The following CRACR2A variants were observed in gnomAD, a reference collection of about 807,000 sequenced individuals.
CRACR2A encodes the protein EF-hand calcium-binding domain-containing protein 4B.
Under a neutral mutation model 90.5 loss-of-function variants are expected in CRACR2A, and 79 were observed. The ratio of observed to expected loss-of-function variants is 0.87; its 90% confidence interval spans 0.73 to 1.05. The LOEUF (loss-of-function observed/expected upper bound fraction) is 1.05, where lower values mean the gene tolerates loss of function less well. CRACR2A is among the 50% of genes least tolerant of loss of function. The pLI, the probability that CRACR2A is intolerant of heterozygous loss-of-function variation, is 0.00. For synonymous variants in CRACR2A, 338 were observed against 356.7 expected, an observed-to-expected ratio of 0.95 and a Z score of 0.59; for missense variants, 823 against 897.2, an observed-to-expected ratio of 0.92 and a Z score of 1.06.
intron 8 of CRACR2A, among the ~76,000 whole-genome samples, chr12:3,657,832 G>C (rs1368545054): frequency 2.6e-5 from 4 of 152,118 alleles, no homozygotes; most frequent in African/African-American, 4.8e-5. Flanking sequence ...GGGCGTTCAG[G>C]GGGTGTAGCA....
chr12:3,670,181 C>T (rs1945215409), intron 7 of CRACR2A, among the ~76,000 whole-genome samples: 1 of 152,178 alleles, frequency 6.6e-6, no homozygotes, highest in African/African-American at 2.4e-5. Context: ...AGACTGTGTT[C>T]CGCCTGGTGC....
At chr12:3,641,331 A>C (rs557287424) in intron 13 of CRACR2A, among the ~76,000 whole-genome samples, 1 of 152,294 alleles carries the variant, frequency 6.6e-6, no homozygotes, top group African/African-American at 2.4e-5. Flanking sequence ...GCAACAAAGC[A>C]AGACTCTGTC....
intron 12 of CRACR2A, among the ~76,000 whole-genome samples, chr12:3,642,518 T>C (rs10774161): frequency 0.65 from 99,147 of 152,084 alleles, 32,944 homozygotes; most frequent in East Asian, 0.9. Flanking sequence ...CCTGGTCAGA[T>C]AGAAAAAAGA....
At chr12:3,684,688 C>G (rs749307465) in intron 4 of CRACR2A, among the ~76,000 whole-genome samples, 1 of 152,228 alleles carries the variant, frequency 6.6e-6, no homozygotes, top group Non-Finnish European at 1.5e-5. Flanking sequence ...GTTATCACAG[C>G]CATGTAGCCA....
intron 2 of CRACR2A, chr12:3,728,284 A>C (rs773040976): frequency 2.6e-5 from 4 of 152,274 alleles, no homozygotes; most frequent in Non-Finnish European, 5.9e-5. Context: ...AGACCATAGC[A>C]CTTCAATGAA....
intron 2 of CRACR2A, among the ~76,000 whole-genome samples, chr12:3,721,379 AAAAG>A (rs1162078868): frequency 1.4e-4 from 21 of 147,406 alleles, no homozygotes; most frequent in African/African-American, 3.9e-4. Context: ...ACAAAAAAAA[AAAAG>A]AAAGAAAGAA....
At chr12:3,629,525 GA>G (rs929929293) in intron 15 of CRACR2A, among the ~76,000 whole-genome samples, 3 of 152,236 alleles carry the variant, frequency 2.0e-5, no homozygotes, top group African/African-American at 7.2e-5. Context: ...GGCCAGATCC[GA>G]AACCAGCCAG....
At chr12:3,619,212 T>G in intron 18 of CRACR2A, 59 bp downstream of exon 18, 1 of 1,432,232 alleles carries the variant, frequency 7.0e-7, no homozygotes, top group Non-Finnish European at 9.6e-7. Flanking sequence ...CTTGGGCACT[T>G]GCCCAACTTC....
At chr12:3,698,701 T>C (rs1337223854) in intron 3 of CRACR2A, among the ~76,000 whole-genome samples, 1 of 152,214 alleles carries the variant, frequency 6.6e-6, no homozygotes, top group Non-Finnish European at 1.5e-5. Flanking sequence ...AGATTTAACA[T>C]TTTCATTCTG....
intron 8 of CRACR2A, 76 bp from the exon 9 acceptor site, chr12:3,656,482 T>C: frequency 7.5e-7 from 1 of 1,337,094 alleles, no homozygotes. Context: ...TTTCCCACCT[T>C]GAACCTACTC....
chr12:3,724,289 G>A (rs563686708), intron 2 of CRACR2A, among the ~76,000 whole-genome samples: 48 of 152,354 alleles, frequency 3.2e-4, no homozygotes, highest in African/African-American at 1.1e-3. Context: ...AGATTGGTGT[G>A]TTCTTGCACA....
At chr12:3,644,847 C>T (rs559801226) in intron 11 of CRACR2A, among the ~76,000 whole-genome samples, 3 of 152,284 alleles carry the variant, frequency 2.0e-5, no homozygotes, top group African/African-American at 7.2e-5. Context: ...GGGGGATAGA[C>T]TGAATGCCCT....
chr12:3,733,973 A>ATTTTTTTT (rs1166347439), intron 1 of CRACR2A, among the ~76,000 whole-genome samples: 4,470 of 99,698 alleles, frequency 0.045, 748 homozygotes, highest in African/African-American at 0.055. Flanking sequence ...ATTTTGCCTT[A>ATTTTTTTT]TTTTTTTTTT....
intron 19 of CRACR2A, among the ~76,000 whole-genome samples, chr12:3,616,399 T>G (rs542507287): frequency 6.6e-6 from 1 of 152,192 alleles, no homozygotes; most frequent in African/African-American, 2.4e-5. Context: ...CATGGTTTTG[T>G]TGTTTAAATT....
intron 1 of CRACR2A, among the ~76,000 whole-genome samples, chr12:3,740,417 T>C (rs1210078063): frequency 6.6e-6 from 1 of 152,200 alleles, no homozygotes; most frequent in Non-Finnish European, 1.5e-5. Flanking sequence ...GTCCTGAAGT[T>C]CTAAGTTCTA....
At chr12:3,702,580 C>A (rs1450827461) in intron 3 of CRACR2A, among the ~76,000 whole-genome samples, 2 of 152,040 alleles carry the variant, frequency 1.3e-5, no homozygotes, top group Non-Finnish European at 2.9e-5. Context: ...ATATATCTGA[C>A]AAAGGATGTC....
At chr12:3,640,012 T>C (rs957317192) in intron 13 of CRACR2A, among the ~76,000 whole-genome samples, 6 of 152,380 alleles carry the variant, frequency 3.9e-5, no homozygotes, top group South Asian at 4.1e-4. Flanking sequence ...ACACAGAGCA[T>C]GTTTTTTCAA....
At chr12:3,640,151 G>T (rs1414291616) in intron 13 of CRACR2A, among the ~76,000 whole-genome samples, 2 of 152,254 alleles carry the variant, frequency 1.3e-5, no homozygotes, top group Non-Finnish European at 2.9e-5. Flanking sequence ...ATCACGGCAT[G>T]ACTGAGTTCA....
At chr12:3,620,022 A>G (rs1944103244) in intron 17 of CRACR2A, among the ~76,000 whole-genome samples, 1 of 152,252 alleles carries the variant, frequency 6.6e-6, no homozygotes, top group South Asian at 2.1e-4. Context: ...AAGAAGGAAC[A>G]CTGTGGCCAT....
Sources: allele counts gnomAD v4.1 joint callset (sites outside exome capture counted in the v4.1 genomes callset), GRCh38; gene constraint gnomAD v4.1.1; transcripts MANE v1.5; gene names NCBI Gene and HGNC (gene_info 2026-07-23, HGNC 2026-07-21).